IL4: variants seen among roughly 807,000 people sequenced by gnomAD.
The protein encoded by IL4 is interleukin-4.
Under a neutral mutation model 17.4 loss-of-function variants are expected in IL4, and 10 were observed. That is an observed-to-expected ratio of 0.57 (90% CI 0.35 to 0.97). The LOEUF is 0.97. Among genes scored for constraint, IL4 ranks in the 50% least tolerant of loss-of-function variants. IL4 has a pLI of 0.01. For missense variants in IL4, 174 were observed against 187.7 expected (o/e 0.93, Z 0.43); for synonymous variants, 87 against 79.0 (o/e 1.10, Z -0.54).
In IL4 at chr5:132,680,248, T is replaced by A. The variant is rs1369317126; in HGVS notation, c.360+358T>A. The stretch of plus-strand genomic sequence containing the variant: ...GCTGACTTAGGAGCTGGTGACATTA[T>A]CTGAGCAGATATTTGAATTGAGGGA... On this transcript the variant is annotated intron_variant, in intron 3 of 3. Coordinates refer to ENST00000231449, the MANE Select transcript of IL4 (RefSeq NM_000589.4). The surrounding 1 kb of genome is among the most constrained non-coding windows in gnomAD (Gnocchi z 4.3). 1.3e-5 allele frequency among the ~76,000 whole-genome samples: 2 copies of A among 152,140 alleles called. No individual in the cohort carries two copies. The highest frequency in any genetic ancestry group is 1.3e-4 in the Admixed American group (2 of 15,270).
intron 2 of IL4, 126 bp from the exon 3 acceptor site, chr5:132,679,588 A>G: frequency 2.6e-6 from 2 of 778,372 alleles, no homozygotes; most frequent in Non-Finnish European, 4.3e-6. Flanking sequence ...ACTTGAAGAC[A>G]GGTCTGTAGT....
At chr5:132,675,875 GTGTA>G (rs774077170) in intron 2 of IL4, among the ~76,000 whole-genome samples, 7 of 121,308 alleles carry the variant, frequency 5.8e-5, no homozygotes, top group African/African-American at 1.6e-4. Flanking sequence ...GTGTGTGTGT[GTGTA>G]TATATGTGTG....
intron 3 of IL4, among the ~76,000 whole-genome samples, chr5:132,681,558 C>T (rs1363256260): frequency 6.6e-6 from 1 of 152,172 alleles, no homozygotes; most frequent in East Asian, 1.9e-4. Flanking sequence ...AACTGACCCA[C>T]AGCTGCAGGG....
intron 2 of IL4, among the ~76,000 whole-genome samples, chr5:132,678,104 T>C (rs778074323): frequency 2.2e-4 from 33 of 152,238 alleles, no homozygotes; most frequent in Non-Finnish European, 4.1e-4. Context: ...AACGTTAAAA[T>C]ATGAACTGCA....
chr5:132,681,405 G>T (rs1752485349), intron 3 of IL4, among the ~76,000 whole-genome samples: 1 of 151,932 alleles, frequency 6.6e-6, no homozygotes, highest in African/African-American at 2.4e-5. Flanking sequence ...GGAGGCCATG[G>T]GTGAGGCTGA....
rs202011365 is a variant in IL4, at chr5:132,679,748, C to A, written c.218C>A (p.Ala73Glu). The part of the protein sequence containing the change: ...TTEKETFCRA[A>E]TVLRQFYSHH... ...GAGAAGGAAACCTTCTGCAGGGCTG[C>A]GACTGTGCTCCGGCAGTTCTACAGC... The change falls in exon 3 of 4, where the codon GCG becomes GAG. Residue 73 changes from alanine (A) to glutamate (E), a missense_variant. Transcript: ENST00000231449. The A allele has an allele frequency of 1.9e-6, 3 of 1,613,844 alleles. No individual in the cohort carries two copies. Among genetic ancestry groups the A allele is most frequent in the Non-Finnish European group, 2.5e-6 (3 of 1,179,914 alleles).
At position 132,679,733 on chromosome 5, in the gene IL4, C is replaced by T; in HGVS notation, c.203C>T (p.Thr68Ile). 6.2e-7 allele frequency: 1 copy of T among 1,613,430 alleles called. No homozygotes were observed. Among genetic ancestry groups the T allele is most frequent in the Non-Finnish European group, 8.5e-7 (1 of 1,179,720 alleles). Reference protein sequence around the residue: ...AASKNTTEKETFCRAATVLRQ... With the variant: ...AASKNTTEKEIFCRAATVLRQ... The stretch of plus-strand genomic sequence containing the variant: ...TTCCAGAACACAACTGAGAAGGAAA[C>T]CTTCTGCAGGGCTGCGACTGTGCTC... The change falls in exon 3 of 4, where the codon ACC becomes ATC. Residue 68 changes from threonine to isoleucine, a missense_variant. Physicochemically the swap from Thr to Ile is moderately conservative, Grantham distance 89 (BLOSUM62 -1). Coordinates refer to ENST00000231449, the MANE Select transcript of IL4 (RefSeq NM_000589.4).
chr5:132,682,642 A>G lies in IL4; in HGVS notation c.*55A>G. On this transcript the variant is annotated 3_prime_UTR_variant, in exon 4 of 4. Transcript: ENST00000231449. The stretch of plus-strand genomic sequence containing the variant: ...TTATTTTTTAAGTATTTATATATTT[A>G]TAACTCATCATAAAATAAAGTATAT... The G allele has an allele frequency of 1.2e-6, 1 of 827,234 alleles. No homozygotes were observed. Among genetic ancestry groups the G allele is most frequent in the South Asian group, 1.8e-5 (1 of 55,024 alleles). 51.2% of individuals were successfully genotyped at this position (827,234 alleles called of 1,614,324 possible).
At position 132,674,517 on chromosome 5, in the gene IL4, G is replaced by A. The variant is rs201434320; in HGVS notation, c.183+11G>A. 608 of 1,611,310 alleles carry A rather than the reference G, an allele frequency of 3.8e-4. No individual in the cohort carries two copies. The highest frequency in any genetic ancestry group is 4.7e-4 in the Non-Finnish European group (551 of 1,177,552). On this transcript the variant is annotated intron_variant, in intron 2 of 3. Transcript: ENST00000231449. ...TTTGCTGCCTCCAAGGTAAGAAGCC[G>A]TCCCACGGTCTGTTTTAGCAAATGG...
In IL4 at chr5:132,674,065, C is replaced by T. The variant is rs201750589; in HGVS notation, c.15C>T (p.Ser5=). Residue 5 remains serine (S), a synonymous_variant, in exon 1 of 4, where the codon TCC becomes TCT. Transcript: ENST00000231449. ...GACACCTATTAATGGGTCTCACCTC[C>T]CAACTGCTTCCCCCTCTGTTCTTCC... MGLT[S]QLLPPLFFLL... The T allele has an allele frequency of 1.4e-5, 22 of 1,614,050 alleles. No homozygotes were observed. The highest frequency in any genetic ancestry group is 1.8e-5 in the Non-Finnish European group (21 of 1,180,026).
At chr5:132,681,052 G>A (rs566004300) in intron 3 of IL4, among the ~76,000 whole-genome samples, 152 of 152,354 alleles carry the variant, frequency 1.0e-3, no homozygotes, top group African/African-American at 3.6e-3. Context: ...GGATAGCCAA[G>A]TGAAGGTGTT....
intron 2 of IL4, chr5:132,677,869 A>G (rs1187377020): frequency 1.3e-5 from 2 of 152,254 alleles, no homozygotes; most frequent in Non-Finnish European, 2.9e-5. Context: ...ACTCGCCTAC[A>G]AAGCCCAGAG....
chr5:132,674,499 C>A lies in IL4; in HGVS notation c.176C>A (p.Ala59Asp). Reference protein sequence around the residue: ...TELTVTDIFAASKNTTEKETF... With the variant: ...TELTVTDIFADSKNTTEKETF... ...TTGACCGTAACAGACATCTTTGCTG[C>A]CTCCAAGGTAAGAAGCCGTCCCACG... The change falls in exon 2 of 4, where the codon GCC (alanine) becomes GAC (aspartate). Residue 59 changes from alanine to aspartate, a missense_variant. Ala to Asp is a moderately radical substitution (Grantham distance 126). Transcript: ENST00000231449. 6.2e-7 allele frequency: 1 copy of A among 1,613,800 alleles called. No individual in the cohort carries two copies. The highest frequency in any genetic ancestry group is 8.5e-7 in the Non-Finnish European group (1 of 1,179,686).
At chr5:132,675,106 T>A (rs1752353025) in intron 2 of IL4, among the ~76,000 whole-genome samples, 1 of 151,798 alleles carries the variant, frequency 6.6e-6, no homozygotes, top group Non-Finnish European at 1.5e-5. Context: ...GTCCAGCACA[T>A]CCCTGCTTCG....
intron 2 of IL4, among the ~76,000 whole-genome samples, chr5:132,675,849 A>ATGTGTGTGTGTGTGTGTG (rs58175446): frequency 1.4e-4 from 20 of 145,030 alleles, no homozygotes; most frequent in African/African-American, 3.4e-4. Flanking sequence ...GCAACAGTTT[A>ATGTGTGTGTGTGTGTGTG]TGTGTGTGTG....
chr5:132,677,032 C>T (rs1165367961), intron 2 of IL4, among the ~76,000 whole-genome samples: 4 of 152,138 alleles, frequency 2.6e-5, no homozygotes, highest in South Asian at 2.1e-4. Context: ...GTAGTTGGAG[C>T]TATTTCCTAT....
chr5:132,682,663 T>C lies in IL4; in HGVS notation c.*76T>C. 1 of 701,714 alleles carries C rather than the reference T, an allele frequency of 1.4e-6. No homozygotes were observed. The highest frequency in any genetic ancestry group is 2.3e-6 in the Non-Finnish European group (1 of 431,360). The allele number at this position is 701,714 out of a possible 1,614,324, so 43.5% of individuals were successfully genotyped here. ...ATTTATAACTCATCATAAAATAAAG[T>C]ATATATAGAATCTAACAGCAATGGC... On this transcript the variant is annotated 3_prime_UTR_variant, in exon 4 of 4. Transcript: ENST00000231449.
chr5:132,678,965 A>C (rs1317567223), intron 2 of IL4, among the ~76,000 whole-genome samples: 1 of 152,212 alleles, frequency 6.6e-6, no homozygotes, highest in African/African-American at 2.4e-5. Context: ...TGGCATTCCA[A>C]GGAGATTCTC....
At position 132,680,788 on chromosome 5, in the gene IL4, C is replaced by T. The variant is rs144639961; in HGVS notation, c.360+898C>T. Among the ~76,000 whole-genome samples, 1 of 151,946 alleles carries T rather than the reference C, an allele frequency of 6.6e-6. No homozygotes were observed. Among genetic ancestry groups the T allele is most frequent in the African/African-American group, 2.4e-5 (1 of 41,340 alleles). On this transcript the variant is annotated intron_variant, in intron 3 of 3. Coordinates refer to ENST00000231449, the MANE Select transcript of IL4 (RefSeq NM_000589.4). This position sits in a 1 kb window ranked among gnomAD's most constrained non-coding sequence, Gnocchi z 4.3. ...AGGCTAGAGATGATGGTGGCGTGGA[C>T]AGAATGGGAGCAGTTGAGGTGAACA...
Sources: gnomAD v4.1 joint callset for allele counts (sites outside exome capture counted in the v4.1 genomes callset) on GRCh38, gnomAD v4.1.1 for gene constraint, Gnocchi (gnomAD v3.1) non-coding constraint, MANE v1.5 for transcripts, NCBI Gene and HGNC (gene_info 2026-07-23, HGNC 2026-07-21) for gene names.